The following ARHGEF28 variants were observed in gnomAD, a reference collection of about 807,000 sequenced individuals.
ARHGEF28 encodes the protein Rho guanine nucleotide exchange factor 28.
Under a neutral mutation model 206.6 loss-of-function variants are expected in ARHGEF28, and 152 were observed. The observed-to-expected ratio is 0.74, with a 90% CI of 0.64 to 0.84. The LOEUF (loss-of-function observed/expected upper bound fraction) is 0.84, where lower values mean the gene tolerates loss of function less well. ARHGEF28 is among the 40% of genes least tolerant of loss of function. The probability of loss-of-function intolerance (pLI) is 0.00; values close to 1 mark genes in which losing one functional copy is unlikely to be tolerated. For synonymous variants in ARHGEF28, 763 were observed against 776.4 expected (o/e 0.98, Z 0.29); for missense variants, 2,028 against 2,073.2 (o/e 0.98, Z 0.42).
rs202125827 is a variant in ARHGEF28, at chr5:73,684,884, C to T, written c.33C>T (p.Tyr11=). MELSCSEAPL[Y]GQMMIYAKFD... is the part of the protein sequence containing the mutation. ...TGAGCTGCAGCGAAGCACCTCTTTACGTAAGTTGCTAAGCACGGGGCTTCA... is the reference window on the plus strand; with the variant it reads ...TGAGCTGCAGCGAAGCACCTCTTTATGTAAGTTGCTAAGCACGGGGCTTCA... Residue 11 remains tyrosine, a splice_region_variant and synonymous_variant, in exon 2 of 36, where the codon TAC becomes TAT. Coordinates refer to ENST00000513042, the MANE Select transcript of ARHGEF28 (RefSeq NM_001177693.2). The T allele has an allele frequency of 5.5e-5, 88 of 1,612,022 alleles. No homozygotes were observed. The highest frequency in any genetic ancestry group is 6.3e-5 in the Non-Finnish European group (74 of 1,178,806).
At chr5:73,876,134 ACGT>A (rs1760467703) in intron 22 of ARHGEF28, among the ~76,000 whole-genome samples, 1 of 149,504 alleles carries the variant, frequency 6.7e-6, no homozygotes, top group South Asian at 2.1e-4. Context: ...GAGGTGCTTC[ACGT>A]CCCTTGTAAG....
At chr5:73,730,533 GATTTT>G (rs796585879) in intron 2 of ARHGEF28, among the ~76,000 whole-genome samples, 6 of 139,650 alleles carry the variant, frequency 4.3e-5, no homozygotes, top group African/African-American at 1.4e-4. Context: ...CCATAAGGAG[GATTTT>G]TTTTTTTTTT....
intron 29 of ARHGEF28, 93 bp from the exon 30 acceptor site, chr5:73,897,869 G>C: frequency 7.2e-7 from 1 of 1,384,448 alleles, no homozygotes; most frequent in Non-Finnish European, 9.7e-7. Context: ...TAAAAACAGG[G>C]ACAGGCCAAA....
chr5:73,833,099 G>A (rs1484299661), intron 10 of ARHGEF28, among the ~76,000 whole-genome samples: 1 of 152,052 alleles, frequency 6.6e-6, no homozygotes, highest in South Asian at 2.1e-4. Context: ...CTTTTCTCTA[G>A]CTCAGTGATC....
chr5:73,741,441 A>C (rs1257123696), intron 2 of ARHGEF28, among the ~76,000 whole-genome samples: 3 of 100,982 alleles, frequency 3.0e-5, no homozygotes, highest in African/African-American at 3.9e-5. Context: ...ATATATATAT[A>C]TGTATACTCA....
intron 3 of ARHGEF28, among the ~76,000 whole-genome samples, chr5:73,751,603 A>G (rs1752020771): frequency 6.6e-6 from 1 of 151,878 alleles, no homozygotes; most frequent in Non-Finnish European, 1.5e-5. Context: ...TGCCACTCCT[A>G]TTTTCAAAAC....
At chr5:73,938,039 A>C (rs1193628094) in intron 35 of ARHGEF28, among the ~76,000 whole-genome samples, 1 of 152,174 alleles carries the variant, frequency 6.6e-6, no homozygotes, top group Non-Finnish European at 1.5e-5. Context: ...CTCCAGTAAT[A>C]CATCTGGAAT....
chr5:73,915,171 C>T (rs1343424001), intron 35 of ARHGEF28, among the ~76,000 whole-genome samples: 1 of 151,920 alleles, frequency 6.6e-6, no homozygotes, highest in Non-Finnish European at 1.5e-5. Flanking sequence ...CCCTCCTTCC[C>T]TTTTTAATAG....
chr5:73,868,878 C>T lies in ARHGEF28; in HGVS notation c.2425+651C>T, dbSNP rs189010774. 1.9e-4 allele frequency among the ~76,000 whole-genome samples: 29 copies of T among 152,288 alleles called. 1 individual carries two copies. The East Asian group carries it at 5.6e-3, about 29-fold the overall frequency. On this transcript the variant is annotated intron_variant, in intron 20 of 35. Transcript: ENST00000513042. ...GCCAGGCTGGTCTTGAACTCCTGAC[C>T]TCAGGTGATCCAACTGCCTCGGCCT...
intron 9 of ARHGEF28, among the ~76,000 whole-genome samples, chr5:73,815,286 A>C (rs999683748): frequency 5.9e-5 from 9 of 151,934 alleles, no homozygotes; most frequent in African/African-American, 2.2e-4. Context: ...CAATATGTAA[A>C]TCTGGGTAAA....
At chr5:73,664,516 A>T (rs1745822039) in intron 1 of ARHGEF28, among the ~76,000 whole-genome samples, 1 of 152,206 alleles carries the variant, frequency 6.6e-6, no homozygotes, top group South Asian at 2.1e-4. Context: ...GGATAATAAT[A>T]GTAGGTATAA....
chr5:73,771,570 T>C (rs946069820), intron 4 of ARHGEF28, among the ~76,000 whole-genome samples: 3 of 151,576 alleles, frequency 2.0e-5, no homozygotes, highest in Admixed American at 2.0e-4. Flanking sequence ...GGAGAGAAAT[T>C]CCATCTTAGT....
chr5:73,870,141 T>C lies in ARHGEF28; in HGVS notation c.2498T>C (p.Leu833Pro). Residue 833 changes from leucine to proline, a missense_variant, in exon 21 of 36, where the codon CTT becomes CCT. Physicochemically the swap from Leu to Pro is moderately conservative, Grantham distance 98 (BLOSUM62 -3). Coordinates refer to ENST00000513042, the MANE Select transcript of ARHGEF28 (RefSeq NM_001177693.2). ...GAGTTTGAAGCAGAATCTTGGAGTC[T>C]TGTGGTGGATCCCTCATTTTGTAAT... The part of the protein sequence containing the change: ...AQEFEAESWS[L>P]VVDPSFCNRQ... The C allele has an allele frequency of 1.2e-6, 2 of 1,613,994 alleles. No individual in the cohort carries two copies. Among genetic ancestry groups the C allele is most frequent in the South Asian group, 2.2e-5 (2 of 91,074 alleles).
At position 73,867,942 on chromosome 5, in the gene ARHGEF28, G is replaced by A. The variant is rs1028810973; in HGVS notation, c.2219G>A (p.Gly740Glu). Residue 740 changes from glycine (G) to glutamate (E), a missense_variant, in exon 19 of 36, where the codon GGA (glycine) becomes GAA (glutamate). Physicochemically the swap from Gly to Glu is moderately conservative, Grantham distance 98. Around this residue, in one of 3 missense-constraint regions of ARHGEF28, gnomAD observed 1,002 missense variants for 1,015.3 expected, o/e 0.99. Coordinates refer to ENST00000513042, the MANE Select transcript of ARHGEF28 (RefSeq NM_001177693.2). Reference sequence around the variant, plus strand: ...CACCCTTCTTCCTCCGTGCCTGTTGGATTGCCGACTGGAAGGAGGGAGACT... The same window carrying A: ...CACCCTTCTTCCTCCGTGCCTGTTGAATTGCCGACTGGAAGGAGGGAGACT... Reference protein sequence around the residue: ...SLHPSSSVPVGLPTGRRETVG... With the variant: ...SLHPSSSVPVELPTGRRETVG... 1.9e-6 allele frequency: 3 copies of A among 1,613,974 alleles called. No individual in the cohort carries two copies. Among genetic ancestry groups the A allele is most frequent in the Non-Finnish European group, 2.5e-6 (3 of 1,179,880 alleles).
chr5:73,726,632 TTC>T (rs1225056610), intron 2 of ARHGEF28, among the ~76,000 whole-genome samples: 1 of 152,200 alleles, frequency 6.6e-6, no homozygotes, highest in Non-Finnish European at 1.5e-5. Context: ...CCATCCAGAA[TTC>T]TATGCTGAAT....
At chr5:73,703,405 G>A (rs186179497) in intron 2 of ARHGEF28, among the ~76,000 whole-genome samples, 151 of 152,226 alleles carry the variant, frequency 9.9e-4, no homozygotes, top group Middle Eastern at 3.4e-3. Flanking sequence ...GGGGTTTCCC[G>A]TGGGAACAGG....
chr5:73,713,493 T>C (rs1749378266), intron 2 of ARHGEF28, among the ~76,000 whole-genome samples: 1 of 151,994 alleles, frequency 6.6e-6, no homozygotes, highest in Admixed American at 6.6e-5. Context: ...AGTGAGAGAG[T>C]TAAGAGGAAG....
intron 35 of ARHGEF28, among the ~76,000 whole-genome samples, chr5:73,922,654 T>C (rs1763583399): frequency 6.6e-6 from 1 of 152,248 alleles, no homozygotes; most frequent in African/African-American, 2.4e-5. Context: ...TTGTGTTGTC[T>C]TTATTCATTT....
At chr5:73,660,764 G>T in intron 1 of ARHGEF28, among the ~76,000 whole-genome samples, 1 of 152,164 alleles carries the variant, frequency 6.6e-6, no homozygotes, top group East Asian at 1.9e-4. Flanking sequence ...GTAATATTTT[G>T]AAAGAAATCT....
Sources: gnomAD v4.1 joint callset for allele counts (sites outside exome capture counted in the v4.1 genomes callset) on GRCh38, gnomAD v4.1.1 for gene constraint, gnomAD v4.1.1 regional missense constraint, MANE v1.5 for transcripts, NCBI Gene and HGNC (gene_info 2026-07-23, HGNC 2026-07-21) for gene names.